The following GRAMD1C variants were observed in gnomAD, a reference collection of about 807,000 sequenced individuals.
GRAMD1C encodes the protein GRAM domain containing 1C.
GRAMD1C carries 89 observed loss-of-function variants against 97.8 expected under a neutral mutation model. The observed-to-expected ratio is 0.91, with a 90% CI of 0.77 to 1.09. The LOEUF (loss-of-function observed/expected upper bound fraction) is 1.09, where lower values mean the gene tolerates loss of function less well. Ranked by LOEUF, GRAMD1C falls within the 50% of genes least tolerant of loss-of-function variation. The probability of loss-of-function intolerance (pLI) is 0.00; values close to 1 mark genes in which losing one functional copy is unlikely to be tolerated. For synonymous variants in GRAMD1C, 256 were observed against 267.0 expected, an observed-to-expected ratio of 0.96 and a Z score of 0.40; for missense variants, 740 against 766.4, an observed-to-expected ratio of 0.97 and a Z score of 0.41.
intron 2 of GRAMD1C, among the ~76,000 whole-genome samples, chr3:113,864,953 C>T (rs989905998): frequency 4.6e-5 from 7 of 152,156 alleles, no homozygotes; most frequent in African/African-American, 1.7e-4. Flanking sequence ...CTGTCTTACC[C>T]TGTTTTCTGT....
chr3:113,917,065 G>A (rs925948761), intron 10 of GRAMD1C, among the ~76,000 whole-genome samples: 12 of 152,248 alleles, frequency 7.9e-5, no homozygotes, highest in South Asian at 2.1e-4. Context: ...GAGCCTGGGA[G>A]TTGGAGGTTG....
At chr3:113,838,705 A>G (rs1709682280), upstream of GRAMD1C, 1 of 373,764 alleles carries the variant, frequency 2.7e-6, no homozygotes, top group Admixed American at 4.6e-5. Context: ...CTAGAAAGAC[A>G]AGCCTTCAGG....
chr3:113,860,890 C>T (rs927605055), intron 2 of GRAMD1C, among the ~76,000 whole-genome samples: 11 of 151,226 alleles, frequency 7.3e-5, no homozygotes, highest in African/African-American at 1.9e-4. Context: ...CGCTTGAACC[C>T]GGGAGGCAGA....
intron 4 of GRAMD1C, chr3:113,875,833 A>G (rs1935008581): frequency 2.5e-6 from 1 of 404,058 alleles, no homozygotes; most frequent in African/African-American, 2.0e-5. Flanking sequence ...TTGAACATAT[A>G]TCTTAATGGC....
At chr3:113,887,116 T>A in intron 6 of GRAMD1C, among the ~76,000 whole-genome samples, 1 of 115,598 alleles carries the variant, frequency 8.7e-6, no homozygotes, top group Non-Finnish European at 1.7e-5. Flanking sequence ...TTTTTTGAGA[T>A]AGAGTCTCAC....
At chr3:113,928,463 T>C (rs938389896) in intron 10 of GRAMD1C, among the ~76,000 whole-genome samples, 2 of 152,260 alleles carry the variant, frequency 1.3e-5, no homozygotes, top group African/African-American at 4.8e-5. Context: ...AATTTTTAAA[T>C]TATGGCAAAA....
intron 2 of GRAMD1C, among the ~76,000 whole-genome samples, chr3:113,848,451 A>G (rs1180415688): frequency 6.6e-6 from 1 of 151,742 alleles, no homozygotes; most frequent in Non-Finnish European, 1.5e-5. Context: ...CAGATTTTTT[A>G]TTTCAATTCT....
At chr3:113,934,829 C>T (rs1455162237) in intron 13 of GRAMD1C, among the ~76,000 whole-genome samples, 2 of 152,072 alleles carry the variant, frequency 1.3e-5, no homozygotes, top group Non-Finnish European at 2.9e-5. Flanking sequence ...CTGCAACCTC[C>T]GCCTCGTGAG....
At chr3:113,929,811 A>C (rs922121898) in intron 10 of GRAMD1C, among the ~76,000 whole-genome samples, 1 of 152,148 alleles carries the variant, frequency 6.6e-6, no homozygotes, top group Non-Finnish European at 1.5e-5. Flanking sequence ...GTTGAGTAAA[A>C]TTGGCTGTAT....
intron 1 of GRAMD1C, 94 bp downstream of exon 1, chr3:113,839,030 A>C (rs963245902): frequency 1.3e-6 from 1 of 752,210 alleles, no homozygotes; most frequent in Non-Finnish European, 1.8e-6. Flanking sequence ...GATTACAGTT[A>C]ATCCCTCCCT....
rs10660348 is a variant in GRAMD1C, at chr3:113,856,523, T to TTATGTATG, written c.174+11890_174+11897dup. On this transcript the variant is annotated intron_variant, in intron 2 of 17. Coordinates refer to ENST00000358160, the MANE Select transcript of GRAMD1C (RefSeq NM_017577.5). ...CTGTTCTCCAGATTTATTTATTTCT[T>TTATGTATG]TATGTATGTATGTATGTATGTATTT... is the stretch of plus-strand genomic sequence containing the variant. Among the ~76,000 whole-genome samples the TTATGTATG allele has an allele frequency of 2.1e-3, 317 of 150,916 alleles. 1 individual carries two copies. The highest frequency in any genetic ancestry group is 3.4e-3 in the Middle Eastern group (1 of 292).
Position 113,946,522 on chromosome 3 carries a change from G to A in GRAMD1C, c.*1044G>A, listed in dbSNP as rs1331057340. 1 of 152,172 alleles carries A rather than the reference G, an allele frequency of 6.6e-6. No individual in the cohort carries two copies. The highest frequency in any genetic ancestry group is 1.5e-5 in the Non-Finnish European group (1 of 68,042). The allele number at this position is 152,172 out of a possible 1,614,324, so 9.4% of individuals were successfully genotyped here. On this transcript the variant is annotated 3_prime_UTR_variant, in exon 18 of 18. Coordinates refer to ENST00000358160, the MANE Select transcript of GRAMD1C (RefSeq NM_017577.5). ...TTTCATAAAAAGTTTTTATGCATATGTGTCTCCATACAAGTGGCTCATTAA... is the reference window on the plus strand; with the variant it reads ...TTTCATAAAAAGTTTTTATGCATATATGTCTCCATACAAGTGGCTCATTAA...
chr3:113,832,967 G>T (rs1053507251), intron 1 of GRAMD1C, among the ~76,000 whole-genome samples: 3 of 151,988 alleles, frequency 2.0e-5, no homozygotes, highest in African/African-American at 7.3e-5. Flanking sequence ...GCATGGATGT[G>T]GCCTTCTGGA....
intron 2 of GRAMD1C, among the ~76,000 whole-genome samples, chr3:113,851,760 C>T (rs1933916793): frequency 1.3e-5 from 2 of 152,088 alleles, no homozygotes; most frequent in Non-Finnish European, 2.9e-5. Context: ...TCAGGTGATC[C>T]ATCCACCTCA....
chr3:113,849,266 A>AC (rs1559776717), intron 2 of GRAMD1C, among the ~76,000 whole-genome samples: 2 of 131,078 alleles, frequency 1.5e-5, no homozygotes, highest in African/African-American at 5.7e-5. Flanking sequence ...GCTAGTTAAT[A>AC]TTTTATTTAT....
chr3:113,887,161 A>ATC (rs1251383213), intron 6 of GRAMD1C, among the ~76,000 whole-genome samples: 3 of 141,546 alleles, frequency 2.1e-5, no homozygotes, highest in African/African-American at 8.0e-5. Flanking sequence ...TGGTGGCACA[A>ATC]TCTCAGACAA....
chr3:113,945,633 G>T lies in GRAMD1C; in HGVS notation c.*155G>T, dbSNP rs563121506. 5.3e-6 allele frequency: 3 copies of T among 560,782 alleles called. No homozygotes were observed. The East Asian group carries it at 9.4e-5, about 17-fold the overall frequency. 34.7% of individuals were successfully genotyped at this position (560,782 alleles called of 1,614,324 possible). Reference sequence around the variant, plus strand: ...ACATTTCTTTCAGTAACATTTATTTGATAATTAGTTTCTGCTGGCCTTAAT... The same window carrying T: ...ACATTTCTTTCAGTAACATTTATTTTATAATTAGTTTCTGCTGGCCTTAAT... On this transcript the variant is annotated 3_prime_UTR_variant, in exon 18 of 18. Coordinates refer to ENST00000358160, the MANE Select transcript of GRAMD1C (RefSeq NM_017577.5).
At chr3:113,843,611 T>C (rs376145510) in intron 1 of GRAMD1C, among the ~76,000 whole-genome samples, 6 of 151,890 alleles carry the variant, frequency 4.0e-5, no homozygotes, top group South Asian at 2.1e-4. Context: ...TCCGAGTAGC[T>C]GGGACTACAG....
intron 10 of GRAMD1C, among the ~76,000 whole-genome samples, chr3:113,929,164 C>T (rs921391551): frequency 2.6e-5 from 4 of 152,272 alleles, no homozygotes; most frequent in South Asian, 4.1e-4. Flanking sequence ...CTAATGGGCA[C>T]GAACGTTCAC....
Sources: allele counts gnomAD v4.1 joint callset (sites outside exome capture counted in the v4.1 genomes callset), GRCh38; gene constraint gnomAD v4.1.1; transcripts MANE v1.5; gene names NCBI Gene and HGNC (gene_info 2026-07-23, HGNC 2026-07-21).